The following HEMK2 variants were observed in gnomAD, a reference collection of about 807,000 sequenced individuals.
HEMK2 encodes HemK methyltransferase 2, ETF1 glutamine and histone H4 lysine, also known as methyltransferase HEMK2.
the HEMK2 span, among the ~76,000 whole-genome samples, chr21:28,800,130 C>T: frequency 1.3e-5 from 2 of 152,304 alleles, no homozygotes; most frequent in African/African-American, 2.4e-5. Context: ...TCCAGACCTA[C>T]GTTGGTTGGG....
At chr21:28,584,748 A>G in the HEMK2 span, among the ~76,000 whole-genome samples, 2 of 152,108 alleles carry the variant, frequency 1.3e-5, no homozygotes, top group Non-Finnish European at 2.9e-5. Flanking sequence ...AGACAACCCT[A>G]TGTAAAGCTG....
the HEMK2 span, among the ~76,000 whole-genome samples, chr21:28,705,328 ACTTTT>A: frequency 1.5e-4 from 15 of 101,604 alleles, no homozygotes; most frequent in Middle Eastern, 5.1e-3. Context: ...CTTTTTTACT[ACTTTT>A]CTTTTCTTTA....
chr21:28,639,065 G>C, the HEMK2 span, among the ~76,000 whole-genome samples: 1 of 152,176 alleles, frequency 6.6e-6, no homozygotes, highest in African/African-American at 2.4e-5. Flanking sequence ...AGACAAGAAA[G>C]CCAGTTAGGA....
chr21:28,627,661 G>C, the HEMK2 span, among the ~76,000 whole-genome samples: 5 of 152,166 alleles, frequency 3.3e-5, no homozygotes, highest in African/African-American at 4.8e-5. Context: ...TGAGGCAGGA[G>C]AATAGGATCT....
At chr21:28,707,311 G>A in the HEMK2 span, among the ~76,000 whole-genome samples, 51 of 147,070 alleles carry the variant, frequency 3.5e-4, no homozygotes, top group South Asian at 9.4e-3. Context: ...TGTGGAGTAC[G>A]GTGGCATGAT....
the HEMK2 span, among the ~76,000 whole-genome samples, chr21:28,721,046 G>A: frequency 2.6e-5 from 4 of 152,192 alleles, no homozygotes; most frequent in Non-Finnish European, 5.9e-5. Flanking sequence ...TAGTCACTGA[G>A]TACTTGAATG....
At chr21:28,790,032 A>T in the HEMK2 span, among the ~76,000 whole-genome samples, 1 of 152,210 alleles carries the variant, frequency 6.6e-6, no homozygotes, top group African/African-American at 2.4e-5. Flanking sequence ...AACTAACTAC[A>T]TTTTTAACGT....
the HEMK2 span, among the ~76,000 whole-genome samples, chr21:28,635,114 T>A: frequency 6.6e-6 from 1 of 151,752 alleles, no homozygotes; most frequent in Non-Finnish European, 1.5e-5. Context: ...TTTTTTTTTT[T>A]TTCTTTAGAT....
At chr21:28,862,650 A>G in the HEMK2 span, among the ~76,000 whole-genome samples, 1 of 121,028 alleles carries the variant, frequency 8.3e-6, no homozygotes, top group East Asian at 1.9e-4. Context: ...CGTCTCAAAA[A>G]AAAAAAAAGA....
chr21:28,600,013 T>C, the HEMK2 span, among the ~76,000 whole-genome samples: 7 of 152,298 alleles, frequency 4.6e-5, no homozygotes, highest in South Asian at 1.5e-3. Context: ...GTGTACAGCT[T>C]CTCCCCAGCT....
the HEMK2 span, among the ~76,000 whole-genome samples, chr21:28,686,426 G>A: frequency 2.5e-4 from 38 of 152,054 alleles, no homozygotes; most frequent in African/African-American, 8.7e-4. Context: ...GTAGACATGG[G>A]GTTTCACTGT....
At chr21:28,676,618 C>A in the HEMK2 span, among the ~76,000 whole-genome samples, 2 of 152,192 alleles carry the variant, frequency 1.3e-5, no homozygotes, top group Admixed American at 6.5e-5. Flanking sequence ...TGGGGTGTAG[C>A]CACAGAAGTT....
chr21:28,612,814 C>T, the HEMK2 span, among the ~76,000 whole-genome samples: 3 of 152,114 alleles, frequency 2.0e-5, no homozygotes, highest in Non-Finnish European at 2.9e-5. Flanking sequence ...AAATTAAGAA[C>T]TCAACCCCTT....
chr21:28,776,087 C>T, the HEMK2 span, among the ~76,000 whole-genome samples: 1 of 152,028 alleles, frequency 6.6e-6, no homozygotes, highest in African/African-American at 2.4e-5. Flanking sequence ...GGAATGGGTC[C>T]CTTTTTAATT....
the HEMK2 span, among the ~76,000 whole-genome samples, chr21:28,715,883 T>C: frequency 0.14 from 21,160 of 152,250 alleles, 1,639 homozygotes; most frequent in East Asian, 0.23. Context: ...CCCAGCACCA[T>C]TGATTGAATA....
chr21:28,793,575 T>C, the HEMK2 span, among the ~76,000 whole-genome samples: 296 of 152,346 alleles, frequency 1.9e-3, 4 homozygotes, highest in African/African-American at 6.9e-3. Flanking sequence ...AAATGACTAA[T>C]GATAAAACCT....
At chr21:28,634,156 T>A in the HEMK2 span, among the ~76,000 whole-genome samples, 1 of 152,302 alleles carries the variant, frequency 6.6e-6, no homozygotes, top group African/African-American at 2.4e-5. Flanking sequence ...TTTTGAGAAC[T>A]CCAAGCAGAG....
the HEMK2 span, among the ~76,000 whole-genome samples, chr21:28,877,238 AG>A: frequency 1.2e-4 from 15 of 127,754 alleles, no homozygotes; most frequent in African/African-American, 2.3e-4. Context: ...AAGGAAAGGA[AG>A]GGAAGGGAAG....
chr21:28,652,991 G>T, the HEMK2 span, among the ~76,000 whole-genome samples: 1 of 152,094 alleles, frequency 6.6e-6, no homozygotes, highest in Non-Finnish European at 1.5e-5. Context: ...AGAAAGTTCT[G>T]AATCACCCAC....
Sources: allele counts gnomAD v4.1 joint callset (sites outside exome capture counted in the v4.1 genomes callset), GRCh38; gene constraint gnomAD v4.1.1; transcripts MANE v1.5; gene names NCBI Gene and HGNC (gene_info 2026-07-23, HGNC 2026-07-21).